PPP1R12B: variants seen among roughly 807,000 people sequenced by gnomAD.
PPP1R12B encodes the protein myosin phosphatase target subunit 2.
Under a neutral mutation model 126.1 loss-of-function variants are expected in PPP1R12B, and 76 were observed. That is an observed-to-expected ratio of 0.60 (90% confidence interval 0.50 to 0.73). The LOEUF (loss-of-function observed/expected upper bound fraction) is 0.73, where lower values mean the gene tolerates loss of function less well. PPP1R12B is among the 30% of genes least tolerant of loss of function. The pLI is 0.00. For missense variants in PPP1R12B, 1,052 were observed against 1,205.1 expected, an observed-to-expected ratio of 0.87 and a Z score of 1.88; for synonymous variants, 356 against 434.7, an observed-to-expected ratio of 0.82 and a Z score of 2.25.
chr1:202,424,577 C>T (rs1164008099), intron 3 of PPP1R12B, among the ~76,000 whole-genome samples: 1 of 152,128 alleles, frequency 6.6e-6, no homozygotes, highest in Non-Finnish European at 1.5e-5. Flanking sequence ...CCCACCTAGG[C>T]TTTCCAAAGT....
chr1:202,384,745 A>T (rs1237763292), intron 1 of PPP1R12B, among the ~76,000 whole-genome samples: 2 of 152,244 alleles, frequency 1.3e-5, no homozygotes, highest in Non-Finnish European at 2.9e-5. Flanking sequence ...AAAGACAATT[A>T]AAAAATTTAT....
chr1:202,363,588 A>G (rs1658603643), intron 1 of PPP1R12B, among the ~76,000 whole-genome samples: 1 of 152,146 alleles, frequency 6.6e-6, no homozygotes, highest in Non-Finnish European at 1.5e-5. Context: ...TAATGTCTTC[A>G]GCTCTGGGGA....
At chr1:202,485,277 T>A (rs940658106) in intron 13 of PPP1R12B, among the ~76,000 whole-genome samples, 1 of 151,988 alleles carries the variant, frequency 6.6e-6, no homozygotes, top group Non-Finnish European at 1.5e-5. Context: ...GGTGCCTGTG[T>A]GAACATGATA....
intron 8 of PPP1R12B, among the ~76,000 whole-genome samples, chr1:202,434,426 T>C (rs1670549728): frequency 2.0e-5 from 3 of 152,248 alleles, no homozygotes; most frequent in African/African-American, 7.2e-5. Flanking sequence ...TTTCAGTTTT[T>C]ATCTGAAAGT....
chr1:202,509,220 T>C (rs1366233095), intron 18 of PPP1R12B, among the ~76,000 whole-genome samples: 1 of 152,230 alleles, frequency 6.6e-6, no homozygotes, highest in Non-Finnish European at 1.5e-5. Flanking sequence ...TTCTTTGTTA[T>C]CAGCAACAGT....
rs965191413 is a variant in PPP1R12B, at chr1:202,565,797, G to A, written c.2757+1250G>A. ...TGATTTTGTGGAATAAGAAAAGTAGGTTTCTAAATCTAAAAGAGAAAAATA... is the reference window on the plus strand; with the variant it reads ...TGATTTTGTGGAATAAGAAAAGTAGATTTCTAAATCTAAAAGAGAAAAATA... On this transcript the variant is annotated intron_variant, in intron 21 of 23. Coordinates refer to ENST00000608999, the MANE Select transcript of PPP1R12B (RefSeq NM_002481.4). This position sits in a 1 kb window ranked among gnomAD's most constrained non-coding sequence, Gnocchi z 4.3. 6.6e-6 allele frequency among the ~76,000 whole-genome samples: 1 copy of A among 151,852 alleles called. No homozygotes were observed. Among genetic ancestry groups the A allele is most frequent in the African/African-American group, 2.4e-5 (1 of 41,310 alleles).
chr1:202,381,928 T>A (rs967262287), intron 1 of PPP1R12B, among the ~76,000 whole-genome samples: 7 of 152,136 alleles, frequency 4.6e-5, no homozygotes, highest in Non-Finnish European at 1.0e-4. Context: ...AGTGGGTGTA[T>A]ACCCAAAGGA....
At chr1:202,349,237 G>A in intron 1 of PPP1R12B, 95 bp downstream of exon 1, 2 of 1,426,458 alleles carry the variant, frequency 1.4e-6, no homozygotes, top group Non-Finnish European at 9.5e-7. Context: ...TGTTGCCGCC[G>A]ACTCCTTCTG....
intron 11 of PPP1R12B, among the ~76,000 whole-genome samples, chr1:202,441,398 G>A (rs1318162557): frequency 2.6e-5 from 4 of 152,132 alleles, no homozygotes; most frequent in African/African-American, 9.7e-5. Context: ...CAGACCTCGA[G>A]TGGTCCTCCT....
intron 13 of PPP1R12B, among the ~76,000 whole-genome samples, chr1:202,486,157 CAGGCA>C (rs1678090296): frequency 1.3e-5 from 2 of 152,176 alleles, no homozygotes; most frequent in Non-Finnish European, 2.9e-5. Flanking sequence ...GTTGGGATTA[CAGGCA>C]TGAGCTACTG....
chr1:202,462,870 T>C, intron 13 of PPP1R12B: 1 of 984,978 alleles, frequency 1.0e-6, no homozygotes, highest in Non-Finnish European at 1.2e-6. Context: ...AAGGTGTGTC[T>C]GAGATAGCTT....
intron 1 of PPP1R12B, among the ~76,000 whole-genome samples, chr1:202,358,523 A>G (rs938311257): frequency 6.6e-6 from 1 of 152,154 alleles, no homozygotes; most frequent in Non-Finnish European, 1.5e-5. Flanking sequence ...TCTACTAAAT[A>G]TACAAAAAAT....
At chr1:202,441,150 T>TA (rs951444631) in intron 11 of PPP1R12B, among the ~76,000 whole-genome samples, 5 of 152,176 alleles carry the variant, frequency 3.3e-5, no homozygotes, top group African/African-American at 1.2e-4. Flanking sequence ...AACACTAAAA[T>TA]AATGTTATTT....
At chr1:202,538,578 A>G (rs2148956755) in intron 18 of PPP1R12B, among the ~76,000 whole-genome samples, 1 of 152,336 alleles carries the variant, frequency 6.6e-6, no homozygotes, top group East Asian at 1.9e-4. Flanking sequence ...TGAAGTGAAA[A>G]GTATAAATTT....
chr1:202,365,292 A>G (rs998384933), intron 1 of PPP1R12B, among the ~76,000 whole-genome samples: 1 of 147,418 alleles, frequency 6.8e-6, no homozygotes, highest in Admixed American at 6.8e-5. Context: ...TCCTAAGTCT[A>G]AAAAAAAAAG....
intron 1 of PPP1R12B, among the ~76,000 whole-genome samples, chr1:202,371,406 A>C (rs1454036092): frequency 6.6e-6 from 1 of 150,904 alleles, no homozygotes; most frequent in Non-Finnish European, 1.5e-5. Context: ...GTGTTATTTC[A>C]TTTTGGTTTT....
chr1:202,393,657 C>T (rs577481132), intron 1 of PPP1R12B, among the ~76,000 whole-genome samples: 192 of 152,190 alleles, frequency 1.3e-3, no homozygotes, highest in African/African-American at 4.5e-3. Context: ...CAAAAATGTT[C>T]TTTTATTCCT....
intron 18 of PPP1R12B, among the ~76,000 whole-genome samples, chr1:202,532,247 C>T (rs1684034443): frequency 6.6e-6 from 1 of 152,152 alleles, no homozygotes; most frequent in Non-Finnish European, 1.5e-5. Context: ...TGAGGACGAA[C>T]AGAGGTCACT....
At chr1:202,529,305 GAA>G (rs1216109447) in intron 18 of PPP1R12B, among the ~76,000 whole-genome samples, 5 of 117,180 alleles carry the variant, frequency 4.3e-5, no homozygotes, top group Non-Finnish European at 7.3e-5. Context: ...TGTTATTATT[GAA>G]AAAAAAAAAA....
Sources: allele counts gnomAD v4.1 joint callset (sites outside exome capture counted in the v4.1 genomes callset), GRCh38; gene constraint gnomAD v4.1.1; non-coding constraint Gnocchi (gnomAD v3.1); transcripts MANE v1.5; gene names NCBI Gene and HGNC (gene_info 2026-07-23, HGNC 2026-07-21).